Variants in SMG7 observed in about 807,000 individuals in gnomAD.
SMG7 encodes nonsense-mediated mRNA decay factor SMG7.
A neutral mutation model predicts 148.2 loss-of-function variants in SMG7; 34 were observed. The observed-to-expected ratio is 0.23, with a 90% CI of 0.17 to 0.31. The LOEUF (loss-of-function observed/expected upper bound fraction) is 0.31. SMG7 is among the 10% of genes least tolerant of loss of function. SMG7 has a pLI of 1.00. For synonymous variants in SMG7, 492 were observed against 515.1 expected (o/e 0.96, Z 0.61); for missense variants, 1,114 against 1,408.4 (o/e 0.79, Z 3.35).
At chr1:183,526,480 C>A (rs1665894861) in intron 4 of SMG7, 116 bp from the exon 5 acceptor site, 1 of 640,260 alleles carries the variant, frequency 1.6e-6, no homozygotes, top group East Asian at 2.9e-5. Flanking sequence ...AATTTTCATG[C>A]AGTTTTTGTT....
At chr1:183,550,544 T>G (rs560089970) in intron 20 of SMG7, among the ~76,000 whole-genome samples, 1 of 152,346 alleles carries the variant, frequency 6.6e-6, no homozygotes, top group Non-Finnish European at 1.5e-5. Context: ...TTTGCTTTTT[T>G]AAGGCGAAGA....
At position 183,527,910 on chromosome 1, in the gene SMG7, A is replaced by G; in HGVS notation, c.485-46A>G. Reference sequence around the variant, plus strand: ...ATAGCTGTTTTGGAAATACTACCCTACTGTTTGTTTTTTGGGTTTTTTAAA... The same window carrying G: ...ATAGCTGTTTTGGAAATACTACCCTGCTGTTTGTTTTTTGGGTTTTTTAAA... On this transcript the variant is annotated intron_variant, in intron 5 of 22. Coordinates refer to ENST00000688051, the MANE Select transcript of SMG7 (RefSeq NM_001375584.1). The surrounding 1 kb of genome is among the most constrained non-coding windows in gnomAD (Gnocchi z 4.0). 2.2e-6 allele frequency: 3 copies of G among 1,353,780 alleles called. No homozygotes were observed. Among genetic ancestry groups the G allele is most frequent in the Non-Finnish European group, 3.2e-6 (3 of 945,736 alleles). The allele number at this position is 1,353,780 out of a possible 1,614,324, so 83.9% of individuals were successfully genotyped here. A position where few individuals can be genotyped will look rare whatever the true frequency, so the allele number is the denominator to read the frequency against.
chr1:183,477,677 T>C (rs1473343184), intron 1 of SMG7, among the ~76,000 whole-genome samples: 1 of 146,810 alleles, frequency 6.8e-6, no homozygotes, highest in Non-Finnish European at 1.5e-5. Context: ...TATGCATATA[T>C]ACGTGTGTGC....
At chr1:183,512,446 T>G (rs1662355841) in intron 1 of SMG7, among the ~76,000 whole-genome samples, 1 of 152,186 alleles carries the variant, frequency 6.6e-6, no homozygotes, top group South Asian at 2.1e-4. Flanking sequence ...AGGGGAAATT[T>G]GAAATAGTTA....
chr1:183,546,963 G>A (rs1670028765), intron 17 of SMG7, 140 bp from the exon 18 acceptor site: 4 of 791,656 alleles, frequency 5.1e-6, no homozygotes, highest in Non-Finnish European at 7.6e-6. Context: ...GCATTTCAGA[G>A]CGTTTTTTCT....
chr1:183,538,335 A>G, intron 11 of SMG7, 45 bp from the exon 12 acceptor site: 1 of 1,390,028 alleles, frequency 7.2e-7, no homozygotes. Context: ...CCACCAAACA[A>G]CATTTTAATT....
At chr1:183,520,599 C>T (rs752988143) in intron 4 of SMG7, among the ~76,000 whole-genome samples, 2 of 151,936 alleles carry the variant, frequency 1.3e-5, no homozygotes, top group Admixed American at 6.6e-5. Context: ...GTGCAGCTGG[C>T]TCTGTTGGGG....
intron 4 of SMG7, among the ~76,000 whole-genome samples, chr1:183,519,097 G>A (rs1471325590): frequency 6.6e-6 from 1 of 152,156 alleles, no homozygotes; most frequent in African/African-American, 2.4e-5. Context: ...GGAGGCTGAG[G>A]CAGGAGGATC....
At chr1:183,502,693 G>A (rs1373545325) in intron 1 of SMG7, among the ~76,000 whole-genome samples, 3 of 152,102 alleles carry the variant, frequency 2.0e-5, no homozygotes, top group Admixed American at 6.6e-5. Context: ...TATGATAAAC[G>A]TAGGGACACA....
chr1:183,537,708 GTATTA>G (rs2102686649), intron 11 of SMG7, among the ~76,000 whole-genome samples: 1 of 152,288 alleles, frequency 6.6e-6, no homozygotes, highest in Admixed American at 6.5e-5. Context: ...TTGAAATTTA[GTATTA>G]TATTGTTAGC....
At chr1:183,477,553 T>C (rs1448325028) in intron 1 of SMG7, among the ~76,000 whole-genome samples, 1 of 149,216 alleles carries the variant, frequency 6.7e-6, no homozygotes, top group Non-Finnish European at 1.5e-5. Context: ...CATATATACG[T>C]GTGTGCATAT....
At chr1:183,539,023 G>A (rs1485971936) in intron 12 of SMG7, among the ~76,000 whole-genome samples, 2 of 151,946 alleles carry the variant, frequency 1.3e-5, no homozygotes, top group South Asian at 2.1e-4. Flanking sequence ...GGTGGCGGGT[G>A]CCTATAGTCC....
intron 19 of SMG7, 93 bp from the exon 20 acceptor site, chr1:183,549,665 AAAGCTT>A: frequency 1.1e-6 from 1 of 899,158 alleles, no homozygotes. Flanking sequence ...CTTCCTAAGA[AAAGCTT>A]AAGGTGTACC....
At chr1:183,503,564 G>A (rs1171876758) in intron 1 of SMG7, among the ~76,000 whole-genome samples, 1 of 152,104 alleles carries the variant, frequency 6.6e-6, no homozygotes, top group African/African-American at 2.4e-5. Context: ...AGGACATAGG[G>A]TTTTTTACTA....
chr1:183,496,002 C>G (rs1183698360), intron 1 of SMG7, among the ~76,000 whole-genome samples: 1 of 152,248 alleles, frequency 6.6e-6, no homozygotes, highest in East Asian at 1.9e-4. Flanking sequence ...AGTTTAGGCT[C>G]CAGAATTCTG....
intron 1 of SMG7, among the ~76,000 whole-genome samples, chr1:183,486,816 GCCT>G (rs1218328647): frequency 1.3e-5 from 2 of 152,082 alleles, no homozygotes; most frequent in African/African-American, 4.8e-5. Context: ...TCCCACCTCA[GCCT>G]CCTGAGTAGC....
chr1:183,535,013 G>T lies in SMG7; in HGVS notation c.1163+1181G>T, dbSNP rs558682343. 5.3e-5 allele frequency among the ~76,000 whole-genome samples: 8 copies of T among 152,048 alleles called. No homozygotes were observed. The East Asian group carries it at 1.4e-3, about 26-fold the overall frequency. On this transcript the variant is annotated intron_variant, in intron 10 of 22. Coordinates refer to ENST00000688051, the MANE Select transcript of SMG7 (RefSeq NM_001375584.1). ...CCTTTTAATGTTAGCATTGGTTTTA[G>T]TAATACGGATTTTCAGACATTGCTT...
At chr1:183,539,877 C>A (rs766581788) in intron 12 of SMG7, among the ~76,000 whole-genome samples, 2 of 152,180 alleles carry the variant, frequency 1.3e-5, no homozygotes, top group Non-Finnish European at 2.9e-5. Flanking sequence ...TATAGTTCTT[C>A]TCCTCCTATA....
Position 183,529,174 on chromosome 1 carries a change from A to T in SMG7, c.707+132A>T. 4 of 994,656 alleles carry T rather than the reference A, an allele frequency of 4.0e-6. No homozygotes were observed. In the South Asian group the frequency reaches 6.7e-5, roughly 17 times the overall value. The allele number at this position is 994,656 out of a possible 1,614,324, so 61.6% of individuals were successfully genotyped here. ...ATTTCTAAACATATAGATTTTTCAT[A>T]ATTTGTGTATAGTCACTGAATTTCA... On this transcript the variant is annotated intron_variant, in intron 7 of 22. Transcript: ENST00000688051.
Sources: allele counts gnomAD v4.1 joint callset (sites outside exome capture counted in the v4.1 genomes callset), GRCh38; gene constraint gnomAD v4.1.1; non-coding constraint Gnocchi (gnomAD v3.1); transcripts MANE v1.5; gene names NCBI Gene and HGNC (gene_info 2026-07-23, HGNC 2026-07-21).